PIK3CA: variants seen among roughly 807,000 people sequenced by gnomAD.
The protein encoded by PIK3CA is phosphatidylinositol 4,5-bisphosphate 3-kinase catalytic subunit alpha isoform.
Under a neutral mutation model 138.2 loss-of-function variants are expected in PIK3CA, and 27 were observed. The observed-to-expected ratio is 0.20, with a 90% CI of 0.14 to 0.27. The LOEUF (loss-of-function observed/expected upper bound fraction) is 0.27. PIK3CA is among the 10% of genes least tolerant of loss of function. PIK3CA has a pLI of 1.00. For synonymous variants in PIK3CA, 358 were observed against 413.2 expected (o/e 0.87, Z 1.62); for missense variants, 544 against 1,277.4 (o/e 0.43, Z 8.75).
rs866824713 is a variant in PIK3CA, at chr3:179,221,061, G to A, written c.2091G>A (p.Met697Ile). 6.2e-6 allele frequency: 10 copies of A among 1,612,798 alleles called. No homozygotes were observed. The Middle Eastern group carries it at 9.9e-4, about 160-fold the overall frequency. ...LLESYCRACG[M>I]YLKHLNRQVE... is the part of the protein sequence containing the mutation. Reference sequence around the variant, plus strand: ...AGTCCTATTGTCGTGCATGTGGGATGTATTTGAAGCACCTGAATAGGCAAG... The same window carrying A: ...AGTCCTATTGTCGTGCATGTGGGATATATTTGAAGCACCTGAATAGGCAAG... The change falls in exon 14 of 21, where the codon ATG becomes ATA. Residue 697 changes from methionine to isoleucine, a missense_variant. Around this residue, in one of 14 missense-constraint regions of PIK3CA, gnomAD observed 22 missense variants for 107.9 expected, o/e 0.20. Transcript: ENST00000263967.
chr3:179,174,339 C>A (rs1158585430), intron 1 of PIK3CA, among the ~76,000 whole-genome samples: 1 of 141,154 alleles, frequency 7.1e-6, no homozygotes, highest in African/African-American at 2.8e-5. Flanking sequence ...GGCATGGTGG[C>A]AAGCACCTGT....
rs955841845 is a variant in PIK3CA at position 179,235,270 on chromosome 3, A to G, written c.*906A>G. ...TGCATGTTTTCCAGAAAATAGAAGT[A>G]TTAATGTTATTAAAAAGATTATTTT... On this transcript the variant is annotated 3_prime_UTR_variant, in exon 21 of 21. Transcript: ENST00000263967. The G allele has an allele frequency of 5.6e-6, 1 of 180,136 alleles. No individual in the cohort carries two copies. The highest frequency in any genetic ancestry group is 1.2e-5 in the Non-Finnish European group (1 of 84,330). 11.2% of individuals were successfully genotyped at this position (180,136 alleles called of 1,614,324 possible).
Position 179,234,521 on chromosome 3 carries a change from A to G in PIK3CA, c.*157A>G, listed in dbSNP as rs534900083. 2.0e-6 allele frequency: 1 copy of G among 503,350 alleles called. No individual in the cohort carries two copies. The highest frequency in any genetic ancestry group is 1.9e-5 in the African/African-American group (1 of 51,452). The allele number at this position is 503,350 out of a possible 1,614,324, so 31.2% of individuals were successfully genotyped here. A position where few individuals can be genotyped will look rare whatever the true frequency, so the allele number is the denominator to read the frequency against. On this transcript the variant is annotated 3_prime_UTR_variant, in exon 21 of 21. Transcript: ENST00000263967. The surrounding 1 kb of genome is among the most constrained non-coding windows in gnomAD (Gnocchi z 5.1). Reference sequence around the variant, plus strand: ...AAATAAAATACTATATAATTTAAATAATGTAAACGCAAACAGGGTTTGATA... The same window carrying G: ...AAATAAAATACTATATAATTTAAATGATGTAAACGCAAACAGGGTTTGATA...
intron 1 of PIK3CA, among the ~76,000 whole-genome samples, chr3:179,193,150 C>A (rs917335241): frequency 2.0e-5 from 3 of 152,170 alleles, no homozygotes; most frequent in African/African-American, 7.2e-5. Context: ...AGGTTCAGGC[C>A]TTCTGAGAAC....
intron 1 of PIK3CA, among the ~76,000 whole-genome samples, chr3:179,150,043 A>T (rs1370206080): frequency 6.6e-6 from 1 of 150,850 alleles, no homozygotes; most frequent in Non-Finnish European, 1.5e-5. Context: ...TAACTGAAGC[A>T]CTGAGGTCCG....
chr3:179,148,284 C>A (rs1722904364), upstream of PIK3CA: 1 of 142,980 alleles, frequency 7.0e-6, no homozygotes, highest in South Asian at 2.2e-4. Flanking sequence ...ACAGGGGCGA[C>A]GGAGAAAGGA....
chr3:179,218,124 A>AT, intron 9 of PIK3CA, 86 bp from the exon 10 acceptor site: 1 of 1,245,022 alleles, frequency 8.0e-7, no homozygotes, highest in African/African-American at 1.6e-5. Flanking sequence ...TTGAAAATGT[A>AT]TTTGCTTTTT....
chr3:179,175,248 C>G, intron 1 of PIK3CA, among the ~76,000 whole-genome samples: 1 of 152,176 alleles, frequency 6.6e-6, no homozygotes, highest in East Asian at 1.9e-4. Context: ...TCTACTCCTA[C>G]AATTATGTGA....
chr3:179,219,323 T>C lies in PIK3CA; in HGVS notation c.1746+46T>C, dbSNP rs763893152. On this transcript the variant is annotated intron_variant, in intron 11 of 20. Transcript: ENST00000263967. This position sits in a 1 kb window ranked among gnomAD's most constrained non-coding sequence, Gnocchi z 4.2. ...ACTAGATAACTGTTGTACAAATTGGTATGTCACTTAAATTGTTTTCTCTCA... is the reference window on the plus strand; with the variant it reads ...ACTAGATAACTGTTGTACAAATTGGCATGTCACTTAAATTGTTTTCTCTCA... 7.2e-5 allele frequency: 80 copies of C among 1,111,036 alleles called. 2 individuals are homozygous for C. The South Asian group carries it at 9.4e-4, about 13-fold the overall frequency. 68.8% of individuals were successfully genotyped at this position (1,111,036 alleles called of 1,614,324 possible).
In PIK3CA at chr3:179,201,276, T is replaced by A. The variant is rs776828704; in HGVS notation, c.563-14T>A. 1.3e-6 allele frequency: 2 copies of A among 1,598,520 alleles called. No individual in the cohort carries two copies. Among genetic ancestry groups the A allele is most frequent in the South Asian group, 2.3e-5 (2 of 88,768 alleles). On this transcript the variant is annotated splice_polypyrimidine_tract_variant and intron_variant, in intron 3 of 20. Transcript: ENST00000263967. ...AGAGAGATGGTGATTGCATCTAATG[T>A]TTTCCTGTTATAGGGCAAATAATAG...
At chr3:179,169,060 CAT>C (rs1212821107) in intron 1 of PIK3CA, 1 of 152,026 alleles carries the variant, frequency 6.6e-6, no homozygotes, top group African/African-American at 2.4e-5. Flanking sequence ...CATGGACTAT[CAT>C]GTTATGTTTA....
chr3:179,199,960 T>C (rs2108388159), intron 3 of PIK3CA, 61 bp downstream of exon 3: 1 of 1,025,470 alleles, frequency 9.8e-7, no homozygotes, highest in African/African-American at 1.6e-5. Flanking sequence ...CCTGTGTCTA[T>C]ATCTTTGTAT....
intron 20 of PIK3CA, among the ~76,000 whole-genome samples, chr3:179,231,623 T>C (rs1725213335): frequency 7.1e-6 from 1 of 141,134 alleles, no homozygotes; most frequent in South Asian, 2.3e-4. Flanking sequence ...TTCATGTCCT[T>C]AGCCCACTTT....
intron 1 of PIK3CA, among the ~76,000 whole-genome samples, chr3:179,198,469 C>G (rs1272779714): frequency 6.6e-6 from 1 of 152,164 alleles, no homozygotes; most frequent in Non-Finnish European, 1.5e-5. Context: ...TCATCTCTGT[C>G]TTGATGAAAC....
At chr3:179,233,481 A>G (rs1335588196) in intron 20 of PIK3CA, 2 of 394,364 alleles carry the variant, frequency 5.1e-6, no homozygotes, top group African/African-American at 4.1e-5. Context: ...ATACAATTTA[A>G]TTTGTTGAGC....
intron 9 of PIK3CA, 102 bp downstream of exon 9, chr3:179,210,667 T>C (rs1724688052): frequency 3.6e-6 from 4 of 1,101,570 alleles, no homozygotes; most frequent in Admixed American, 2.2e-5. Flanking sequence ...CTGGCATAGA[T>C]ACTATGAACT....
intron 1 of PIK3CA, among the ~76,000 whole-genome samples, chr3:179,160,564 G>C (rs753323499): frequency 6.6e-6 from 1 of 152,180 alleles, no homozygotes; most frequent in Non-Finnish European, 1.5e-5. Flanking sequence ...CTCCAATGTG[G>C]CCTGCAGATA....
At chr3:179,217,779 A>G (rs1471136141) in intron 9 of PIK3CA, among the ~76,000 whole-genome samples, 1 of 152,060 alleles carries the variant, frequency 6.6e-6, no homozygotes, top group Non-Finnish European at 1.5e-5. Flanking sequence ...GATCATAAGG[A>G]TCTGTTCAGG....
At chr3:179,206,478 A>G (rs1576936329) in intron 6 of PIK3CA, among the ~76,000 whole-genome samples, 1 of 152,218 alleles carries the variant, frequency 6.6e-6, no homozygotes. Flanking sequence ...AGGAAATAAT[A>G]GCCAGAATTT....
Sources: allele counts gnomAD v4.1 joint callset (sites outside exome capture counted in the v4.1 genomes callset), GRCh38; gene constraint gnomAD v4.1.1; regional missense constraint gnomAD v4.1.1; non-coding constraint Gnocchi (gnomAD v3.1); transcripts MANE v1.5; gene names NCBI Gene and HGNC (gene_info 2026-07-23, HGNC 2026-07-21).